The following EPHB1 variants were observed in gnomAD, a reference collection of about 807,000 sequenced individuals.
EPHB1 encodes EPH receptor B1, also known as ephrin type-B receptor 1.
Under a neutral mutation model 94.4 loss-of-function variants are expected in EPHB1, and 30 were observed. The observed-to-expected ratio is 0.32, with a 90% CI of 0.24 to 0.43. The LOEUF is 0.43. EPHB1 is among the 20% of genes least tolerant of loss of function. The pLI is 1.00. For synonymous variants in EPHB1, 522 were observed against 489.1 expected, an observed-to-expected ratio of 1.07 and a Z score of -0.89; for missense variants, 1,055 against 1,308.3, an observed-to-expected ratio of 0.81 and a Z score of 2.99.
chr3:135,018,918 GCTGATAGGGA>G (rs1252293100), intron 3 of EPHB1, among the ~76,000 whole-genome samples: 7 of 152,246 alleles, frequency 4.6e-5, no homozygotes, highest in Admixed American at 4.6e-4. Flanking sequence ...AGCCTCGCCA[GCTGATAGGGA>G]CTGAGAGATA....
At chr3:135,252,359 T>TC (rs1244992393) in intron 15 of EPHB1, among the ~76,000 whole-genome samples, 39 of 77,134 alleles carry the variant, frequency 5.1e-4, no homozygotes, top group African/African-American at 1.9e-3. Context: ...ATGCTATCCC[T>TC]CCCCCCTCCC....
chr3:134,959,000 G>A (rs1391188858), intron 3 of EPHB1, among the ~76,000 whole-genome samples: 1 of 152,198 alleles, frequency 6.6e-6, no homozygotes, highest in Non-Finnish European at 1.5e-5. Context: ...GCCAATGTTA[G>A]AGCTACTGAT....
chr3:135,096,886 G>A (rs138460830), intron 3 of EPHB1, among the ~76,000 whole-genome samples: 1,620 of 152,086 alleles, frequency 0.011, 17 homozygotes, highest in Non-Finnish European at 0.015. Flanking sequence ...TCACGAGGTC[G>A]GGAGATCGAG....
intron 1 of EPHB1, among the ~76,000 whole-genome samples, chr3:134,842,490 C>G (rs2036795758): frequency 6.6e-6 from 1 of 152,204 alleles, no homozygotes; most frequent in Non-Finnish European, 1.5e-5. Context: ...GTCAGAAGAT[C>G]CTTCCTGAGG....
chr3:135,220,439 C>T (rs781311109), intron 12 of EPHB1, among the ~76,000 whole-genome samples: 1 of 152,056 alleles, frequency 6.6e-6, no homozygotes, highest in African/African-American at 2.4e-5. Context: ...AGATCCATGT[C>T]GACTTCTAAT....
At chr3:135,206,451 G>C (rs1367469286) in intron 12 of EPHB1, among the ~76,000 whole-genome samples, 1 of 152,014 alleles carries the variant, frequency 6.6e-6, no homozygotes, top group Admixed American at 6.5e-5. Context: ...TCTCAATTCT[G>C]CTCTTTTAAT....
chr3:135,062,531 T>TG (rs1413427354), intron 3 of EPHB1, among the ~76,000 whole-genome samples: 1 of 152,170 alleles, frequency 6.6e-6, no homozygotes, highest in African/African-American at 2.4e-5. Context: ...CACTTTTTGA[T>TG]GGGGTTTTTT....
At chr3:134,965,456 T>C (rs1173438847) in intron 3 of EPHB1, among the ~76,000 whole-genome samples, 1 of 152,040 alleles carries the variant, frequency 6.6e-6, no homozygotes, top group East Asian at 1.9e-4. Context: ...TCCCAGCACT[T>C]TGAGAGGCCA....
intron 1 of EPHB1, among the ~76,000 whole-genome samples, chr3:134,898,778 G>A (rs1294135597): frequency 6.6e-6 from 1 of 152,168 alleles, no homozygotes; most frequent in Non-Finnish European, 1.5e-5. Flanking sequence ...TCAGGACATG[G>A]ATCCAGCCTT....
chr3:134,940,503 C>G (rs999838191), intron 2 of EPHB1, among the ~76,000 whole-genome samples: 1 of 152,206 alleles, frequency 6.6e-6, no homozygotes, highest in Non-Finnish European at 1.5e-5. Flanking sequence ...GTTTCTCTTG[C>G]TGTTTAAACT....
intron 12 of EPHB1, among the ~76,000 whole-genome samples, chr3:135,238,719 G>T (rs1315394090): frequency 6.6e-6 from 1 of 151,968 alleles, no homozygotes; most frequent in Non-Finnish European, 1.5e-5. Flanking sequence ...CACACAATCT[G>T]GTTCTCTGTC....
chr3:134,845,008 A>G (rs1560259224), intron 1 of EPHB1, among the ~76,000 whole-genome samples: 1 of 152,216 alleles, frequency 6.6e-6, no homozygotes, highest in Non-Finnish European at 1.5e-5. Flanking sequence ...TCAATGCATG[A>G]CATGATGCCT....
In EPHB1 at chr3:135,249,355, G is replaced by A. The variant is rs780597750; in HGVS notation, c.2710G>A (p.Asp904Asn). The change falls in exon 15 of 16, where the codon GAC (aspartate) becomes AAC (asparagine). Residue 904 changes from aspartate to asparagine, a missense_variant. By Grantham distance (23) the Asp-to-Asn change is conservative. Coordinates refer to ENST00000398015, the MANE Select transcript of EPHB1 (RefSeq NM_004441.5). ...ITAVPSQPLL[D>N]RSIPDFTAFT... ...CACCAGGCCTTCCCAGCCCCTGCTCGACCGCTCCATCCCAGACTTCACGGC... is the reference window on the plus strand; with the variant it reads ...CACCAGGCCTTCCCAGCCCCTGCTCAACCGCTCCATCCCAGACTTCACGGC... 68 of 1,612,992 alleles carry A rather than the reference G, an allele frequency of 4.2e-5. No individual in the cohort carries two copies. Among genetic ancestry groups the A allele is most frequent in the Non-Finnish European group, 4.3e-5 (51 of 1,179,578 alleles).
intron 15 of EPHB1, among the ~76,000 whole-genome samples, chr3:135,250,455 C>G (rs1026778461): frequency 1.3e-5 from 2 of 152,066 alleles, no homozygotes; most frequent in Non-Finnish European, 1.5e-5. Flanking sequence ...TCAGTGGTTC[C>G]CAGGCTTTGC....
chr3:135,158,642 A>G (rs1229277842), intron 6 of EPHB1, among the ~76,000 whole-genome samples: 1 of 152,186 alleles, frequency 6.6e-6, no homozygotes, highest in African/African-American at 2.4e-5. Context: ...TCATTAATAG[A>G]GAGCTCAGAT....
chr3:134,978,038 C>T, intron 3 of EPHB1: 1 of 455,114 alleles, frequency 2.2e-6, no homozygotes, highest in Non-Finnish European at 4.4e-6. Context: ...CTGCCACACT[C>T]ACACAGCCTC....
chr3:134,819,413 A>G (rs1560247616), intron 1 of EPHB1, among the ~76,000 whole-genome samples: 1 of 152,208 alleles, frequency 6.6e-6, no homozygotes, highest in Non-Finnish European at 1.5e-5. Context: ...CTCCCAGACC[A>G]GGTTCTCATC....
chr3:134,896,334 A>G (rs2038086629), intron 1 of EPHB1, among the ~76,000 whole-genome samples: 1 of 152,166 alleles, frequency 6.6e-6, no homozygotes, highest in South Asian at 2.1e-4. Flanking sequence ...GCCCTCTTCC[A>G]TAATCTGGTG....
chr3:134,924,253 T>A (rs1462324223), intron 1 of EPHB1, among the ~76,000 whole-genome samples: 1 of 152,150 alleles, frequency 6.6e-6, no homozygotes, highest in Non-Finnish European at 1.5e-5. Context: ...TTGGACTTCA[T>A]CAAAATTAAA....
Sources: allele counts gnomAD v4.1 joint callset (sites outside exome capture counted in the v4.1 genomes callset), GRCh38; gene constraint gnomAD v4.1.1; transcripts MANE v1.5; gene names NCBI Gene and HGNC (gene_info 2026-07-23, HGNC 2026-07-21).